Variants in KCNT2 observed in about 807,000 individuals in gnomAD.
The protein encoded by KCNT2 is potassium channel subfamily T member 2.
A neutral mutation model predicts 153.8 loss-of-function variants in KCNT2; 67 were observed. The observed-to-expected ratio is 0.44, with a 90% CI of 0.36 to 0.53. The LOEUF is 0.53. Among genes scored for constraint, KCNT2 ranks in the 20% least tolerant of loss-of-function variants. The pLI is 0.00. For missense variants in KCNT2, 975 were observed against 1,354.8 expected, an observed-to-expected ratio of 0.72 and a Z score of 4.40; for synonymous variants, 500 against 458.8, an observed-to-expected ratio of 1.09 and a Z score of -1.15.
intron 1 of KCNT2, among the ~76,000 whole-genome samples, chr1:196,550,835 TGAGA>T (rs2148896615): frequency 6.6e-6 from 1 of 151,898 alleles, no homozygotes; most frequent in South Asian, 2.1e-4. Flanking sequence ...CAGGAAGCTC[TGAGA>T]GAGATTGCTA....
chr1:196,284,496 A>T (rs1260302168), intron 23 of KCNT2, among the ~76,000 whole-genome samples: 1 of 151,470 alleles, frequency 6.6e-6, no homozygotes, highest in Non-Finnish European at 1.5e-5. Context: ...TGGCTAAAAA[A>T]ATCTTAAAAC....
At chr1:196,503,188 T>C (rs561513256) in intron 1 of KCNT2, among the ~76,000 whole-genome samples, 4 of 150,718 alleles carry the variant, frequency 2.7e-5, no homozygotes, top group African/African-American at 9.7e-5. Flanking sequence ...GAGCAGATGC[T>C]CCTAAATTAT....
At chr1:196,273,703 T>A (rs1002379305) in intron 25 of KCNT2, among the ~76,000 whole-genome samples, 2 of 151,790 alleles carry the variant, frequency 1.3e-5, no homozygotes, top group Non-Finnish European at 3.0e-5. Flanking sequence ...TAGATTGTTT[T>A]TGTTTTGCTG....
intron 8 of KCNT2, among the ~76,000 whole-genome samples, chr1:196,447,453 G>A (rs761345294): frequency 1.3e-5 from 2 of 151,604 alleles, no homozygotes; most frequent in Non-Finnish European, 3.0e-5. Flanking sequence ...CAAAAAGAAA[G>A]CTGTGGTGAG....
chr1:196,316,081 A>T lies in KCNT2; in HGVS notation c.2349-55T>A. ...ACATTAAATAAATCACAATGTTATA[A>T]TCAGTGCTAAAGTCTAGCACTATCC... On this transcript the variant is annotated intron_variant, in intron 20 of 27. Coordinates refer to ENST00000294725, the MANE Select transcript of KCNT2 (RefSeq NM_198503.5). 3.3e-6 allele frequency: 5 copies of T among 1,536,810 alleles called. No homozygotes were observed. In the South Asian group the frequency reaches 4.7e-5, roughly 14 times the overall value.
intron 8 of KCNT2, among the ~76,000 whole-genome samples, chr1:196,452,735 A>C (rs1479154027): frequency 1.3e-5 from 2 of 151,930 alleles, no homozygotes; most frequent in Admixed American, 1.3e-4. Flanking sequence ...TGGTATTATA[A>C]GGAATTGACT....
At chr1:196,554,331 T>C (rs1179751488) in intron 1 of KCNT2, among the ~76,000 whole-genome samples, 1 of 151,150 alleles carries the variant, frequency 6.6e-6, no homozygotes. Context: ...ATAGTACAAC[T>C]GATACCACAG....
intron 1 of KCNT2, among the ~76,000 whole-genome samples, chr1:196,524,612 G>A (rs1653932169): frequency 6.6e-6 from 1 of 152,012 alleles, no homozygotes; most frequent in African/African-American, 2.4e-5. Context: ...TACATAATAC[G>A]ATGTAAAACA....
At chr1:196,446,971 T>C (rs2148606348) in intron 8 of KCNT2, among the ~76,000 whole-genome samples, 1 of 151,680 alleles carries the variant, frequency 6.6e-6, no homozygotes, top group South Asian at 2.1e-4. Context: ...TTTTAAATAT[T>C]TGTTGCAAGG....
At chr1:196,269,520 A>G (rs1657868013) in intron 25 of KCNT2, among the ~76,000 whole-genome samples, 1 of 152,150 alleles carries the variant, frequency 6.6e-6, no homozygotes, top group East Asian at 1.9e-4. Context: ...TGGACTAGTA[A>G]GCAGAAGAGA....
chr1:196,464,468 C>T (rs1468508508), intron 8 of KCNT2, among the ~76,000 whole-genome samples: 2 of 151,838 alleles, frequency 1.3e-5, no homozygotes. Context: ...TACATGCATA[C>T]ATGTATAGCC....
intron 1 of KCNT2, among the ~76,000 whole-genome samples, chr1:196,605,257 CA>C (rs1360198199): frequency 2.6e-5 from 4 of 152,108 alleles, no homozygotes; most frequent in Non-Finnish European, 5.9e-5. Context: ...GCAGCAAAAG[CA>C]GTTCATTTGG....
chr1:196,592,547 T>C (rs1183611064), intron 1 of KCNT2, among the ~76,000 whole-genome samples: 2 of 147,352 alleles, frequency 1.4e-5, no homozygotes, highest in African/African-American at 4.9e-5. Context: ...TATATATAAA[T>C]ATATAAATGT....
At position 196,341,219 on chromosome 1, in the gene KCNT2, C is replaced by A. The variant is rs562595753; in HGVS notation, c.1554-649G>T. Among the ~76,000 whole-genome samples, 8 of 152,060 alleles carry A rather than the reference C, an allele frequency of 5.3e-5. No individual in the cohort carries two copies. In the South Asian group the frequency reaches 1.5e-3, roughly 28 times the overall value. ...AATATCATAGTTTTAACCTAGCCAACCTTAAACATACTCATAACACTTACA... is the reference window on the plus strand; with the variant it reads ...AATATCATAGTTTTAACCTAGCCAAACTTAAACATACTCATAACACTTACA... On this transcript the variant is annotated intron_variant, in intron 15 of 27. Coordinates refer to ENST00000294725, the MANE Select transcript of KCNT2 (RefSeq NM_198503.5).
intron 26 of KCNT2, among the ~76,000 whole-genome samples, chr1:196,256,778 G>A (rs886340242): frequency 2.6e-5 from 4 of 151,066 alleles, no homozygotes; most frequent in Middle Eastern, 3.2e-3. Context: ...TGTCAGAAGC[G>A]TTTGAACCAA....
intron 14 of KCNT2, among the ~76,000 whole-genome samples, chr1:196,359,679 A>G (rs979647348): frequency 1.3e-5 from 2 of 152,038 alleles, no homozygotes; most frequent in Non-Finnish European, 2.9e-5. Context: ...AGTAAAATCT[A>G]TGCAAGTTCA....
intron 8 of KCNT2, among the ~76,000 whole-genome samples, chr1:196,456,250 A>G (rs992204043): frequency 1.3e-5 from 2 of 151,396 alleles, no homozygotes; most frequent in Non-Finnish European, 1.5e-5. Flanking sequence ...TTTCTACTAC[A>G]CTTTAAGTAG....
chr1:196,236,553 T>C (rs1393988650), intron 26 of KCNT2, among the ~76,000 whole-genome samples: 1 of 151,472 alleles, frequency 6.6e-6, no homozygotes, highest in Non-Finnish European at 1.5e-5. Flanking sequence ...CCTAAATATG[T>C]GTTTGGCTTC....
At chr1:196,584,209 C>T (rs952934242) in intron 1 of KCNT2, among the ~76,000 whole-genome samples, 25 of 16,654 alleles carry the variant, frequency 1.5e-3, no homozygotes, top group East Asian at 6.5e-3. Context: ...TAGAAGCTCC[C>T]GCCCAAACCC....
Sources: allele counts gnomAD v4.1 joint callset (sites outside exome capture counted in the v4.1 genomes callset), GRCh38; gene constraint gnomAD v4.1.1; transcripts MANE v1.5; gene names NCBI Gene and HGNC (gene_info 2026-07-23, HGNC 2026-07-21).